Variants in VPS35L observed in about 807,000 individuals in gnomAD.
VPS35L encodes VPS35 endosomal protein sorting factor like, also known as VPS35 endosomal protein-sorting factor-like.
Under a neutral mutation model 133.0 loss-of-function variants are expected in VPS35L, and 83 were observed. The ratio of observed to expected loss-of-function variants is 0.62; its 90% CI spans 0.52 to 0.75. The LOEUF is 0.75. Among genes scored for constraint, VPS35L ranks in the 30% least tolerant of loss-of-function variants. The pLI, the probability that VPS35L is intolerant of heterozygous loss-of-function variation, is 0.00. For synonymous variants in VPS35L, 423 were observed against 449.9 expected (o/e 0.94, Z 0.76); for missense variants, 1,083 against 1,206.8 (o/e 0.90, Z 1.52).
chr16:19,655,497 C>T (rs1244955229), intron 26 of VPS35L, among the ~76,000 whole-genome samples: 2 of 152,176 alleles, frequency 1.3e-5, no homozygotes, highest in African/African-American at 4.8e-5. Flanking sequence ...ATTTTGTTGC[C>T]TCCCTTAATC....
At chr16:19,569,756 A>G (rs1232133999) in intron 3 of VPS35L, among the ~76,000 whole-genome samples, 165 bp downstream of exon 3, 1 of 149,648 alleles carries the variant, frequency 6.7e-6, no homozygotes, top group Admixed American at 6.7e-5. Context: ...GCAGCCTCCA[A>G]CTCCGGGGCT....
At chr16:19,632,324 A>AT (rs960222081) in intron 18 of VPS35L, among the ~76,000 whole-genome samples, 15 of 151,922 alleles carry the variant, frequency 9.9e-5, no homozygotes, top group African/African-American at 3.4e-4. Flanking sequence ...CAATTGTCTC[A>AT]TTTTTTTTAA....
intron 7 of VPS35L, among the ~76,000 whole-genome samples, chr16:19,582,615 G>C (rs8049687): frequency 1.3e-5 from 2 of 152,142 alleles, no homozygotes; most frequent in African/African-American, 4.8e-5. Context: ...CTGGAAGCCC[G>C]TGGAGAGGGT....
At chr16:19,598,493 T>C (rs1391289308) in intron 8 of VPS35L, among the ~76,000 whole-genome samples, 1 of 152,208 alleles carries the variant, frequency 6.6e-6, no homozygotes, top group African/African-American at 2.4e-5. Context: ...CCTTAAAATA[T>C]GAAAGTGAGG....
intron 14 of VPS35L, among the ~76,000 whole-genome samples, chr16:19,619,513 T>G (rs1401417454): frequency 6.6e-6 from 1 of 152,124 alleles, no homozygotes; most frequent in African/African-American, 2.4e-5. Context: ...GGTATTCCAC[T>G]GAACGACGGA....
At chr16:19,620,272 TG>T (rs1189593309) in intron 14 of VPS35L, among the ~76,000 whole-genome samples, 1 of 152,220 alleles carries the variant, frequency 6.6e-6, no homozygotes, top group Non-Finnish European at 1.5e-5. Flanking sequence ...AATATGGTTG[TG>T]GTTCTCCAAC....
rs927958511 is a variant in VPS35L, at chr16:19,610,371, G to A, written c.979G>A (p.Gly327Arg). 7 of 1,613,954 alleles carry A rather than the reference G, an allele frequency of 4.3e-6. No homozygotes were observed. Among genetic ancestry groups the A allele is most frequent in the Admixed American group, 3.3e-5 (2 of 59,998 alleles). ...PRLTCMIRGI[G>R]DPLVSVYARA... ...GTTGACATGCATGATCAGAGGGATC[G>A]GAGACCCACTAGTGTCGGTGTATGC... Residue 327 changes from glycine to arginine, a missense_variant, in exon 12 of 31, where the codon GGA (glycine) becomes AGA (arginine). By Grantham distance (125) the Gly-to-Arg change is moderately radical. Transcript: ENST00000417362.
chr16:19,694,163 A>G (rs1275686890), intron 29 of VPS35L: 1 of 121,726 alleles, frequency 8.2e-6, no homozygotes, highest in Non-Finnish European at 1.6e-5. Context: ...AATCATTGTA[A>G]TTCTAGGCAT....
chr16:19,582,078 C>T (rs943388970), intron 7 of VPS35L: 3 of 159,032 alleles, frequency 1.9e-5, no homozygotes, highest in Non-Finnish European at 4.1e-5. Flanking sequence ...ATGAATATTT[C>T]AGACATATTA....
At chr16:19,559,837 T>A (rs903982578) in intron 1 of VPS35L, among the ~76,000 whole-genome samples, 11 of 152,138 alleles carry the variant, frequency 7.2e-5, no homozygotes, top group Non-Finnish European at 1.3e-4. Context: ...CAGGTGTGTG[T>A]GACCATGCCT....
At chr16:19,586,147 A>G (rs1446822530) in intron 7 of VPS35L, among the ~76,000 whole-genome samples, 1 of 152,218 alleles carries the variant, frequency 6.6e-6, no homozygotes. Context: ...CGATCCTTTC[A>G]TCTTGGCCTC....
chr16:19,566,106 C>T (rs1189018150), intron 2 of VPS35L, among the ~76,000 whole-genome samples: 3 of 152,126 alleles, frequency 2.0e-5, no homozygotes, highest in Admixed American at 6.6e-5. Flanking sequence ...TTTAGCCTCC[C>T]AGGACCCCTT....
intron 20 of VPS35L, 139 bp downstream of exon 20, chr16:19,637,795 A>T (rs892411015): frequency 7.0e-5 from 37 of 528,968 alleles, no homozygotes; most frequent in Non-Finnish European, 1.1e-4. Context: ...AGTCTGATCA[A>T]CTTAAGTATT....
intron 6 of VPS35L, chr16:19,579,883 C>T (rs535511304): frequency 6.6e-6 from 1 of 151,248 alleles, no homozygotes; most frequent in Non-Finnish European, 1.5e-5. Context: ...TAAATGTAAC[C>T]AACAAATACA....
intron 10 of VPS35L, 180 bp from the exon 11 acceptor site, chr16:19,608,794 A>G: frequency 3.6e-6 from 2 of 557,412 alleles, no homozygotes; most frequent in Admixed American, 3.1e-5. Flanking sequence ...TCAAATAAGT[A>G]TGAAACTTTG....
rs1971438022 is a variant in VPS35L, at chr16:19,573,232, G to A, written c.399G>A (p.Lys133=). ...EILARYTTTE[K]LSINLFMGSE... is the part of the protein sequence containing the mutation. ...TTGCCCGGTACACCACTACCGAAAA[G>A]CTGTCTATTGTGAGTACCAGGAGAC... The change falls in exon 4 of 31, where the codon AAG becomes AAA. Residue 133 remains lysine (K), a synonymous_variant. Coordinates refer to ENST00000417362, the MANE Select transcript of VPS35L (RefSeq NM_020314.7). The A allele has an allele frequency of 5.6e-6, 9 of 1,613,686 alleles. No individual in the cohort carries two copies. The highest frequency in any genetic ancestry group is 7.6e-6 in the Non-Finnish European group (9 of 1,179,744).
intron 3 of VPS35L, among the ~76,000 whole-genome samples, chr16:19,572,473 C>T (rs528289899): frequency 6.6e-6 from 1 of 152,224 alleles, no homozygotes; most frequent in South Asian, 2.1e-4. Context: ...ACCAAATTGT[C>T]CTCCAAAAAG....
chr16:19,655,966 G>A (rs1974283593), intron 26 of VPS35L, among the ~76,000 whole-genome samples: 2 of 152,014 alleles, frequency 1.3e-5, no homozygotes, highest in African/African-American at 2.4e-5. Context: ...ATCTAGAAAA[G>A]GTACGTGTTT....
At chr16:19,689,373 C>A (rs1460013453) in intron 28 of VPS35L, among the ~76,000 whole-genome samples, 2 of 151,830 alleles carry the variant, frequency 1.3e-5, no homozygotes, top group African/African-American at 2.4e-5. Context: ...TGCGTTCAAG[C>A]GATTCTCCTG....
Sources: gnomAD v4.1 joint callset for allele counts (sites outside exome capture counted in the v4.1 genomes callset) on GRCh38, gnomAD v4.1.1 for gene constraint, MANE v1.5 for transcripts, NCBI Gene and HGNC (gene_info 2026-07-23, HGNC 2026-07-21) for gene names.